LCT: variants seen among roughly 807,000 people sequenced by gnomAD.
LCT encodes lactase/phlorizin hydrolase.
Under a neutral mutation model 173.0 loss-of-function variants are expected in LCT, and 90 were observed. That is an observed-to-expected ratio of 0.52 (90% confidence interval 0.44 to 0.62). The LOEUF is 0.62. Ranked by LOEUF, LCT falls within the 20% of genes least tolerant of loss-of-function variation. The pLI is 0.00. For synonymous variants in LCT, 853 were observed against 957.6 expected (o/e 0.89, Z 2.02); for missense variants, 1,864 against 2,431.4 (o/e 0.77, Z 4.91).
chr2:135,788,879 C>T (rs1447821276), intron 16 of LCT, among the ~76,000 whole-genome samples: 2 of 151,934 alleles, frequency 1.3e-5, no homozygotes, highest in South Asian at 4.2e-4. Flanking sequence ...GGGATGGGAC[C>T]CAGGTCTAAA....
Position 135,804,785 on chromosome 2 carries a change from G to A in LCT, c.4446C>T (p.Ala1482=), listed in dbSNP as rs148768579. 4.7e-5 allele frequency: 75 copies of A among 1,612,626 alleles called. No homozygotes were observed. The highest frequency in any genetic ancestry group is 5.8e-5 in the Non-Finnish European group (68 of 1,180,018). Residue 1482 remains alanine (A), a synonymous_variant, in exon 10 of 17, where the codon GCC becomes GCT. Transcript: ENST00000264162. ...ACCATACCTGGGGCTGGATGCTGGC[G>A]GCCAGCAGTGTATCGATGAGCCTCA... ...YYVRLIDTLL[A]ASIQPQVTIY...
At chr2:135,835,988 A>G (rs1679341817) in intron 1 of LCT, among the ~76,000 whole-genome samples, 1 of 30,442 alleles carries the variant, frequency 3.3e-5, no homozygotes, top group Non-Finnish European at 1.2e-4. Flanking sequence ...ATATATATAT[A>G]TATATATATA....
In LCT at chr2:135,788,600, ATC is replaced by A. The variant is rs562542124; in HGVS notation, c.5564-58_5564-57del. On this transcript the variant is annotated intron_variant, in intron 16 of 16. Coordinates refer to ENST00000264162, the MANE Select transcript of LCT (RefSeq NM_002299.4). The stretch of plus-strand genomic sequence containing the variant: ...CTCTGGCGCTGATTTGAGTTCTCAG[ATC>A]TCTGAGACCCCAGCAGAGGCTGCAC... The A allele has an allele frequency of 4.9e-4, 555 of 1,121,284 alleles. 2 individuals are homozygous for A. The African/African-American group carries it at 7.4e-3, about 15-fold the overall frequency. The allele number at this position is 1,121,284 out of a possible 1,614,324, so 69.5% of individuals were successfully genotyped here.
Position 135,787,986 on chromosome 2 carries a change from CT to C in LCT, c.*337del. ...ATAGGAAGGATTTTTACGGTTTTTG[CT>C]CCCTTAACAACCCTTAACAACTCTG... On this transcript the variant is annotated 3_prime_UTR_variant, in exon 17 of 17. Transcript: ENST00000264162. 1 of 328,940 alleles carries C rather than the reference CT, an allele frequency of 3.0e-6. No individual in the cohort carries two copies. Among genetic ancestry groups the C allele is most frequent in the South Asian group, 3.1e-5 (1 of 32,610 alleles). The allele number at this position is 328,940 out of a possible 1,614,324, so 20.4% of individuals were successfully genotyped here.
At chr2:135,805,105 C>T (rs1267609126) in intron 9 of LCT, 48 bp from the exon 10 acceptor site, 2 of 1,555,866 alleles carry the variant, frequency 1.3e-6, no homozygotes, top group African/African-American at 1.4e-5. Context: ...GTCAAGCACT[C>T]ACAGCCTCCT....
At chr2:135,805,974 C>T (rs942190745) in intron 9 of LCT, among the ~76,000 whole-genome samples, 1 of 152,036 alleles carries the variant, frequency 6.6e-6, no homozygotes, top group Non-Finnish European at 1.5e-5. Context: ...GCCAGGAGTT[C>T]AGACTAGCCC....
chr2:135,833,028 T>C (rs996399226), intron 2 of LCT, 83 bp downstream of exon 2: 103 of 1,046,156 alleles, frequency 9.8e-5, no homozygotes, highest in Non-Finnish European at 1.5e-4. Context: ...GTCAAACCAA[T>C]AGACCAAAAC....
At chr2:135,818,759 C>T (rs942733790) in intron 5 of LCT, among the ~76,000 whole-genome samples, 1 of 152,196 alleles carries the variant, frequency 6.6e-6, no homozygotes, top group Non-Finnish European at 1.5e-5. Context: ...ATCACTTGAA[C>T]CCGGGAGGCA....
At chr2:135,792,599 G>T (rs1451553358) in intron 14 of LCT, among the ~76,000 whole-genome samples, 1 of 152,128 alleles carries the variant, frequency 6.6e-6, no homozygotes, top group East Asian at 1.9e-4. Context: ...TGGGAGCTAG[G>T]TGAGGCTTGT....
At chr2:135,830,444 A>G (rs2077927652) in intron 2 of LCT, among the ~76,000 whole-genome samples, 3 of 152,170 alleles carry the variant, frequency 2.0e-5, no homozygotes, top group Non-Finnish European at 2.9e-5. Context: ...GCCTGATTAG[A>G]TCATTACCTG....
chr2:135,834,406 C>G (rs556200674), intron 1 of LCT, among the ~76,000 whole-genome samples: 1 of 148,866 alleles, frequency 6.7e-6, no homozygotes, highest in Admixed American at 6.7e-5. Flanking sequence ...AGGATGGTCT[C>G]GATCTTCTGA....
chr2:135,829,855 G>GTGTGTT (rs1208427932), intron 2 of LCT, among the ~76,000 whole-genome samples, 179 bp from the exon 3 acceptor site: 1 of 151,618 alleles, frequency 6.6e-6, no homozygotes, highest in Non-Finnish European at 1.5e-5. Context: ...GTGTGTGTGT[G>GTGTGTT]TAGGGGGCGG....
rs750581184 is a variant in LCT, at chr2:135,824,000, T to A, written c.808A>T (p.Ile270Phe). 11 of 1,610,252 alleles carry A rather than the reference T, an allele frequency of 6.8e-6. 1 individual carries two copies. The highest frequency in any genetic ancestry group is 9.3e-6 in the Non-Finnish European group (11 of 1,176,590). ...ATGAAAACTTTCACTTTTGGCTCAA[T>A]GGTCTGAAAAAGAGAAGGACCAGCA... ...LRQKLSKLQT[I>F]EPKVKVFIFN... is the part of the protein sequence containing the mutation. The change falls in exon 4 of 17, where the codon ATT becomes TTT. Residue 270 changes from isoleucine to phenylalanine, a missense_variant. By Grantham distance (21) the Ile-to-Phe change is conservative. Around this residue, in one of 4 missense-constraint regions of LCT, gnomAD observed 412 missense variants for 462.0 expected, o/e 0.89. Transcript: ENST00000264162.
chr2:135,790,489 GA>G lies in LCT; in HGVS notation c.5335+168del, dbSNP rs1011633295. ...GCTTGCTGAGCTTAGACATAGGAAGGAAAAAAACTCAGAGTGCGGCCCTAAA... is the reference window on the plus strand; with the variant it reads ...GCTTGCTGAGCTTAGACATAGGAAGGAAAAAACTCAGAGTGCGGCCCTAAA... On this transcript the variant is annotated intron_variant, in intron 15 of 16. Coordinates refer to ENST00000264162, the MANE Select transcript of LCT (RefSeq NM_002299.4). The surrounding 1 kb of genome is among the most constrained non-coding windows in gnomAD (Gnocchi z 4.1). Among the ~76,000 whole-genome samples, 46 of 152,206 alleles carry G rather than the reference GA, an allele frequency of 3.0e-4. No homozygotes were observed. The highest frequency in any genetic ancestry group is 1.1e-3 in the African/African-American group (46 of 41,520).
Position 135,817,933 on chromosome 2 carries a change from G to GCCCT in LCT, c.1111_1114dup (p.Ala372GlufsTer14). ...ATCCTGCAGGAAGGCATCCCTTTCCGCCCTGGACTGATTGGCAAATGCTTC... is the reference window on the plus strand; with the variant it reads ...ATCCTGCAGGAAGGCATCCCTTTCCGCCCTCCCTGGACTGATTGGCAAATGCTTC... On this transcript the variant is annotated frameshift_variant, in exon 6 of 17. Transcript: ENST00000264162. LOFTEE classifies it high-confidence loss of function. The GCCCT allele has an allele frequency of 6.2e-7, 1 of 1,614,002 alleles. No homozygotes were observed. Among genetic ancestry groups the GCCCT allele is most frequent in the Non-Finnish European group, 8.5e-7 (1 of 1,180,008 alleles).
At position 135,818,065 on chromosome 2, in the gene LCT, C is replaced by T; in HGVS notation, c.987-4G>A. On this transcript the variant is annotated splice_polypyrimidine_tract_variant and splice_region_variant and intron_variant, in intron 5 of 16. Coordinates refer to ENST00000264162, the MANE Select transcript of LCT (RefSeq NM_002299.4). ...GCCAGTCAGAGAACAAGACATGCTG[C>T]AGGATTGAAGGGACAAAAAGGGACA... 1 of 1,613,188 alleles carries T rather than the reference C, an allele frequency of 6.2e-7. No individual in the cohort carries two copies. Among genetic ancestry groups the T allele is most frequent in the East Asian group, 2.2e-5 (1 of 44,878 alleles).
intron 13 of LCT, among the ~76,000 whole-genome samples, chr2:135,795,808 T>C (rs1021860248): frequency 6.6e-6 from 1 of 151,920 alleles, no homozygotes; most frequent in East Asian, 1.9e-4. Context: ...CCCCTGAGGC[T>C]GGAGTGCAGT....
chr2:135,827,236 C>T (rs927309750), intron 3 of LCT, among the ~76,000 whole-genome samples: 106 of 152,130 alleles, frequency 7.0e-4, no homozygotes, highest in African/African-American at 2.1e-3. Flanking sequence ...GCCTCAACCT[C>T]CCAAAGTGCT....
In LCT at chr2:135,812,598, C is replaced by T. The variant is rs146706415; in HGVS notation, c.2066G>A (p.Arg689His). Residue 689 changes from arginine (R) to histidine (H), a missense_variant, in exon 7 of 17, where the codon CGC becomes CAC. Physicochemically the swap from Arg to His is conservative, Grantham distance 29. Transcript: ENST00000264162. Reference sequence around the variant, plus strand: ...GTTTTGTGGGGCGTTGCTGATGAGGCGGGAGGTGTAATGCGACAGACCCAG... The same window carrying T: ...GTTTTGTGGGGCGTTGCTGATGAGGTGGGAGGTGTAATGCGACAGACCCAG... ...DFLGLSHYTS[R>H]LISNAPQNTC... is the part of the protein sequence containing the mutation. The T allele has an allele frequency of 8.9e-5, 143 of 1,612,238 alleles. No individual in the cohort carries two copies. In the African/African-American group the frequency reaches 1.1e-3, roughly 12 times the overall value.
Sources: gnomAD v4.1 joint callset for allele counts (sites outside exome capture counted in the v4.1 genomes callset) on GRCh38, gnomAD v4.1.1 for gene constraint, gnomAD v4.1.1 regional missense constraint, Gnocchi (gnomAD v3.1) non-coding constraint, MANE v1.5 for transcripts, NCBI Gene and HGNC (gene_info 2026-07-23, HGNC 2026-07-21) for gene names.